GPBP1: variants seen among roughly 807,000 people sequenced by gnomAD.
GPBP1 encodes the protein vasculin.
In GPBP1, 13 loss-of-function variants were observed where a neutral mutation model predicts 56.5. The observed-to-expected ratio is 0.23, with a 90% CI of 0.15 to 0.37. The LOEUF (loss-of-function observed/expected upper bound fraction) is 0.37, where lower values mean the gene tolerates loss of function less well. Ranked by LOEUF, GPBP1 falls within the 10% of genes least tolerant of loss-of-function variation. The pLI, the probability that GPBP1 is intolerant of heterozygous loss-of-function variation, is 1.00. For synonymous variants in GPBP1, 204 were observed against 188.9 expected (o/e 1.08, Z -0.66); for missense variants, 477 against 572.3 (o/e 0.83, Z 1.70).
At position 57,262,834 on chromosome 5, in the gene GPBP1, T is replaced by C; in HGVS notation, c.*82T>C. 7.8e-7 allele frequency: 1 copy of C among 1,283,022 alleles called. No homozygotes were observed. Among genetic ancestry groups the C allele is most frequent in the Non-Finnish European group, 1.1e-6 (1 of 914,226 alleles). The allele number at this position is 1,283,022 out of a possible 1,614,324, so 79.5% of individuals were successfully genotyped here. A position where few individuals can be genotyped will look rare whatever the true frequency, so the allele number is the denominator to read the frequency against. The stretch of plus-strand genomic sequence containing the variant: ...GGTGAATTGTAAAAATGAAGAACTA[T>C]AATTTATGTAGTGAAATACCCCATT... On this transcript the variant is annotated 3_prime_UTR_variant, in exon 12 of 12. Coordinates refer to ENST00000506184, the MANE Select transcript of GPBP1 (RefSeq NM_022913.4).
rs66642664 is a variant in GPBP1 at position 57,187,003 on chromosome 5, AGTGTGTGTGTGTGT to A, written c.-58+10626_-58+10639del. 1.7e-3 allele frequency among the ~76,000 whole-genome samples: 246 copies of A among 146,784 alleles called. 2 individuals are homozygous for A. Among genetic ancestry groups the A allele is most frequent in the African/African-American group, 5.9e-3 (238 of 40,118 alleles). On this transcript the variant is annotated intron_variant, in intron 2 of 11. Transcript: ENST00000506184. ...GTGTGTCTATTTCTGGACTCAGAGA[AGTGTGTGTGTGTGT>A]GTGTGTGTGTGTGTGTGTGTGTATG...
chr5:57,231,108 A>G lies in GPBP1; in HGVS notation c.198A>G (p.Gly66=), dbSNP rs987796252. The change falls in exon 5 of 12, where the codon GGA becomes GGG. Residue 66 remains glycine, a synonymous_variant. Coordinates refer to ENST00000506184, the MANE Select transcript of GPBP1 (RefSeq NM_022913.4). ...TATTATCAAATAAAGGTAACTTTGG[A>G]AGGAAAGAAAAAAATGGATGGCGTA... The part of the protein sequence containing the change: ...AIGRPNGGNF[G]RKEKNGWRTH... The G allele has an allele frequency of 3.7e-6, 6 of 1,612,430 alleles. No homozygotes were observed. The highest frequency in any genetic ancestry group is 1.3e-5 in the African/African-American group (1 of 74,804).
Position 57,230,892 on chromosome 5 carries a change from A to G in GPBP1, c.110A>G (p.Glu37Gly), listed in dbSNP as rs762091440. Residue 37 changes from glutamate (E) to glycine (G), a missense_variant, in exon 4 of 12, where the codon GAG (glutamate) becomes GGG (glycine). Around this residue, in one of 2 missense-constraint regions of GPBP1, gnomAD observed 414 missense variants for 458.2 expected, o/e 0.90. Coordinates refer to ENST00000506184, the MANE Select transcript of GPBP1 (RefSeq NM_022913.4). ...CATTCTGAAAACTTTGCATGGACAGAGAATCGTTATGATGTGAACCGTCGA... is the reference window on the plus strand; with the variant it reads ...CATTCTGAAAACTTTGCATGGACAGGGAATCGTTATGATGTGAACCGTCGA... ...EKHSENFAWT[E>G]NRYDVNRRRH... 8 of 1,612,184 alleles carry G rather than the reference A, an allele frequency of 5.0e-6. No homozygotes were observed. In the South Asian group the frequency reaches 5.5e-5, roughly 11 times the overall value.
intron 2 of GPBP1, among the ~76,000 whole-genome samples, chr5:57,211,386 AC>A: frequency 6.6e-6 from 1 of 152,008 alleles, no homozygotes; most frequent in East Asian, 1.9e-4. Flanking sequence ...CGGGAGTCTT[AC>A]CATGTTGCCA....
chr5:57,203,498 G>GC (rs950593123), intron 2 of GPBP1, among the ~76,000 whole-genome samples: 2 of 152,070 alleles, frequency 1.3e-5, no homozygotes, highest in African/African-American at 4.8e-5. Context: ...ATTTAGCCAG[G>GC]CCCATGTGGT....
chr5:57,184,187 G>C (rs899046275), intron 2 of GPBP1, among the ~76,000 whole-genome samples: 1 of 152,068 alleles, frequency 6.6e-6, no homozygotes, highest in African/African-American at 2.4e-5. Flanking sequence ...AGCCGAGATC[G>C]TGCCACTGCA....
intron 2 of GPBP1, among the ~76,000 whole-genome samples, chr5:57,179,833 G>A (rs1753962700): frequency 6.6e-6 from 1 of 152,184 alleles, no homozygotes; most frequent in Admixed American, 6.6e-5. Flanking sequence ...CCTAACTTCA[G>A]ATGTCTGTCC....
At chr5:57,234,259 A>G (rs1756577521) in intron 5 of GPBP1, among the ~76,000 whole-genome samples, 1 of 152,230 alleles carries the variant, frequency 6.6e-6, no homozygotes, top group African/African-American at 2.4e-5. Context: ...TAGGAAAAAT[A>G]CCTGATAGAA....
At chr5:57,187,221 A>G (rs550960751) in intron 2 of GPBP1, among the ~76,000 whole-genome samples, 2 of 152,160 alleles carry the variant, frequency 1.3e-5, no homozygotes, top group Non-Finnish European at 2.9e-5. Flanking sequence ...GTTGCAAAAT[A>G]ACGTCATCTT....
chr5:57,212,059 C>T (rs1755511417), intron 2 of GPBP1, among the ~76,000 whole-genome samples: 1 of 152,190 alleles, frequency 6.6e-6, no homozygotes, highest in East Asian at 1.9e-4. Flanking sequence ...GCGTCAGCCC[C>T]CTGAGAAGCT....
intron 3 of GPBP1, among the ~76,000 whole-genome samples, chr5:57,218,796 C>T (rs919396656): frequency 5.3e-5 from 8 of 152,174 alleles, no homozygotes; most frequent in Admixed American, 4.6e-4. Context: ...GCATTTTGTT[C>T]TCCCATAAGG....
chr5:57,233,979 GTCATTGGCTA>G (rs530856231), intron 5 of GPBP1, among the ~76,000 whole-genome samples: 154 of 152,282 alleles, frequency 1.0e-3, no homozygotes, highest in African/African-American at 3.4e-3. Context: ...AGATGTGGTT[GTCATTGGCTA>G]TTATAATCCT....
chr5:57,229,230 C>CAAAAAAAAAAAAAAAAAAAAAAAAAA (rs543005934), intron 3 of GPBP1, among the ~76,000 whole-genome samples: 2 of 77,424 alleles, frequency 2.6e-5, no homozygotes, highest in African/African-American at 5.0e-5. Context: ...GACTCCATCT[C>CAAAAAAAAAAAAAAAAAAAAAAAAAA]AAAAAAAAAA....
At chr5:57,188,980 TTCTGTCTG>T (rs375508397) in intron 2 of GPBP1, among the ~76,000 whole-genome samples, 31 of 152,096 alleles carry the variant, frequency 2.0e-4, no homozygotes, top group African/African-American at 4.8e-4. Context: ...ACAAGCCTCT[TTCTGTCTG>T]TCTGTCTGTC....
At chr5:57,240,116 T>TTG (rs1460852169) in intron 6 of GPBP1, among the ~76,000 whole-genome samples, 1 of 152,020 alleles carries the variant, frequency 6.6e-6, no homozygotes, top group African/African-American at 2.4e-5. Context: ...CTGGACGTGG[T>TTG]TGTGTGTGTC....
intron 3 of GPBP1, among the ~76,000 whole-genome samples, chr5:57,214,903 C>G (rs1755641039): frequency 6.6e-6 from 1 of 152,250 alleles, no homozygotes; most frequent in Admixed American, 6.5e-5. Context: ...GTTAAGTGAT[C>G]TGCCCGCCTC....
At chr5:57,193,803 C>A (rs963991094) in intron 2 of GPBP1, among the ~76,000 whole-genome samples, 3 of 151,552 alleles carry the variant, frequency 2.0e-5, no homozygotes, top group South Asian at 2.1e-4. Context: ...TTGAAAAAAA[C>A]AAAACAGTTT....
At chr5:57,233,653 T>C (rs1440383203) in intron 5 of GPBP1, among the ~76,000 whole-genome samples, 1 of 152,156 alleles carries the variant, frequency 6.6e-6, no homozygotes, top group Non-Finnish European at 1.5e-5. Context: ...TAAGTGGAAG[T>C]GGGTCATCAT....
chr5:57,211,402 C>T (rs1437883988), intron 2 of GPBP1, among the ~76,000 whole-genome samples: 2 of 152,032 alleles, frequency 1.3e-5, no homozygotes, highest in Admixed American at 6.6e-5. Context: ...TTGCCAAGGC[C>T]GGCCTCAATC....
Sources: gnomAD v4.1 joint callset for allele counts (sites outside exome capture counted in the v4.1 genomes callset) on GRCh38, gnomAD v4.1.1 for gene constraint, gnomAD v4.1.1 regional missense constraint, MANE v1.5 for transcripts, NCBI Gene and HGNC (gene_info 2026-07-23, HGNC 2026-07-21) for gene names.